The following FA2H variants were observed in gnomAD, a reference collection of about 807,000 sequenced individuals.
The protein encoded by FA2H is fatty acid 2-hydroxylase, also known as fatty acid alpha-hydroxylase.
A neutral mutation model predicts 44.9 loss-of-function variants in FA2H; 22 were observed. The observed-to-expected ratio is 0.49, with a 90% CI of 0.35 to 0.70. FA2H has a LOEUF of 0.70. Among genes scored for constraint, FA2H ranks in the 30% least tolerant of loss-of-function variants. The pLI, the probability that FA2H is intolerant of heterozygous loss-of-function variation, is 0.01. For missense variants in FA2H, 501 were observed against 504.9 expected, an observed-to-expected ratio of 0.99 and a Z score of 0.07; for synonymous variants, 243 against 213.2, an observed-to-expected ratio of 1.14 and a Z score of -1.22.
intron 4 of FA2H, among the ~76,000 whole-genome samples, chr16:74,719,681 G>A (rs1465915748): frequency 1.3e-5 from 2 of 152,014 alleles, no homozygotes; most frequent in African/African-American, 4.8e-5. Flanking sequence ...GGGACCACAG[G>A]TGCATGCCAC....
chr16:74,726,385 T>G, intron 3 of FA2H, 54 bp from the exon 4 acceptor site: 2 of 1,124,202 alleles, frequency 1.8e-6, no homozygotes, highest in Non-Finnish European at 2.6e-6. Flanking sequence ...CTTGACAGAG[T>G]ACAGCTTTCT....
chr16:74,716,516 G>A lies in FA2H; in HGVS notation c.870C>T (p.Leu290=), dbSNP rs759692923. The A allele has an allele frequency of 5.6e-6, 9 of 1,613,300 alleles. No individual in the cohort carries two copies. Among genetic ancestry groups the A allele is most frequent in the South Asian group, 2.2e-5 (2 of 91,010 alleles). ...VIGVFYLCMQ[L]ILPEAVGGTV... ...TGCCCCCTACTGCCTCGGGCAGGAT[G>A]AGCTGCATGCACAAGTAGAAGACGC... The change falls in exon 6 of 7, where the codon CTC becomes CTT. Residue 290 remains leucine, a synonymous_variant. Transcript: ENST00000219368.
At chr16:74,745,994 A>G (rs531311213) in intron 1 of FA2H, among the ~76,000 whole-genome samples, 1 of 152,158 alleles carries the variant, frequency 6.6e-6, no homozygotes, top group East Asian at 1.9e-4. Flanking sequence ...TTTAGCAGAG[A>G]CGGGGTTTCA....
chr16:74,752,062 C>T (rs745610899), intron 1 of FA2H, among the ~76,000 whole-genome samples: 3 of 152,186 alleles, frequency 2.0e-5, no homozygotes, highest in Non-Finnish European at 4.4e-5. Flanking sequence ...TCCTTTCCCT[C>T]GCTGCTGACA....
In FA2H at chr16:74,713,666, A is replaced by G. The variant is rs1439048725; in HGVS notation, c.*524T>C. 1 of 156,420 alleles carries G rather than the reference A, an allele frequency of 6.4e-6. No individual in the cohort carries two copies. Among genetic ancestry groups the G allele is most frequent in the African/African-American group, 2.4e-5 (1 of 41,550 alleles). 9.7% of individuals were successfully genotyped at this position (156,420 alleles called of 1,614,324 possible). On this transcript the variant is annotated 3_prime_UTR_variant, in exon 7 of 7. Coordinates refer to ENST00000219368, the MANE Select transcript of FA2H (RefSeq NM_024306.5). ...GGGTCTGGGGTGGACTGTGGGAGGCATCACGCTGTCTCTTCTTGCGAGAGC... is the reference window on the plus strand; with the variant it reads ...GGGTCTGGGGTGGACTGTGGGAGGCGTCACGCTGTCTCTTCTTGCGAGAGC...
chr16:74,729,941 G>A (rs1962040930), intron 2 of FA2H, among the ~76,000 whole-genome samples: 1 of 152,108 alleles, frequency 6.6e-6, no homozygotes, highest in African/African-American at 2.4e-5. Context: ...GAGAGGAGGG[G>A]AGAGGAGCAA....
chr16:74,749,264 G>T (rs1962486174), intron 1 of FA2H, among the ~76,000 whole-genome samples: 1 of 152,196 alleles, frequency 6.6e-6, no homozygotes, highest in South Asian at 2.1e-4. Flanking sequence ...TCCAATCCAG[G>T]AGTCAGGACC....
At chr16:74,757,942 C>T (rs761546076) in intron 1 of FA2H, among the ~76,000 whole-genome samples, 1 of 151,866 alleles carries the variant, frequency 6.6e-6, no homozygotes, top group African/African-American at 2.4e-5. Context: ...TCACCTGAGC[C>T]GGGGAGGTCA....
At chr16:74,770,907 G>T (rs983516583) in intron 1 of FA2H, among the ~76,000 whole-genome samples, 2 of 152,230 alleles carry the variant, frequency 1.3e-5, no homozygotes, top group African/African-American at 4.8e-5. Context: ...GAGCATACAG[G>T]TCAGAAGCAC....
Position 74,714,020 on chromosome 16 carries a change from G to C in FA2H, c.*170C>G. On this transcript the variant is annotated 3_prime_UTR_variant, in exon 7 of 7. Coordinates refer to ENST00000219368, the MANE Select transcript of FA2H (RefSeq NM_024306.5). ...ATGTGACCCTCCTACCAGGGGTCAG[G>C]AGGGCGGTCCTGCCTCAGGGCCCCC... 1.7e-6 allele frequency: 1 copy of C among 600,576 alleles called. No individual in the cohort carries two copies. Among genetic ancestry groups the C allele is most frequent in the Non-Finnish European group, 3.0e-6 (1 of 334,722 alleles). The allele number at this position is 600,576 out of a possible 1,614,324, so 37.2% of individuals were successfully genotyped here.
At chr16:74,742,684 A>G (rs907509434) in intron 1 of FA2H, among the ~76,000 whole-genome samples, 6 of 152,088 alleles carry the variant, frequency 3.9e-5, no homozygotes, top group Non-Finnish European at 8.8e-5. Flanking sequence ...AGAAAAAATA[A>G]AAAAGCCAGG....
chr16:74,742,915 G>T (rs1407141079), intron 1 of FA2H, among the ~76,000 whole-genome samples: 1 of 152,160 alleles, frequency 6.6e-6, no homozygotes, highest in Non-Finnish European at 1.5e-5. Context: ...AAATATATAG[G>T]AAGTATGTGT....
At chr16:74,759,522 C>T (rs1962669416) in intron 1 of FA2H, among the ~76,000 whole-genome samples, 1 of 152,226 alleles carries the variant, frequency 6.6e-6, no homozygotes. Context: ...CTTCTTAAAC[C>T]TGTTTGTTGA....
intron 1 of FA2H, among the ~76,000 whole-genome samples, chr16:74,745,826 G>C (rs1398335106): frequency 9.0e-6 from 1 of 111,586 alleles, no homozygotes; most frequent in Non-Finnish European, 1.7e-5. Flanking sequence ...TTTTTTTTGA[G>C]ACAGAGTCTT....
intron 1 of FA2H, among the ~76,000 whole-genome samples, chr16:74,752,912 C>T (rs961469238): frequency 1.3e-5 from 2 of 152,174 alleles, no homozygotes; most frequent in Admixed American, 1.3e-4. Flanking sequence ...AGGGATGACT[C>T]AGAGAGACCA....
At chr16:74,773,226 G>T (rs1199824233) in intron 1 of FA2H, among the ~76,000 whole-genome samples, 1 of 152,088 alleles carries the variant, frequency 6.6e-6, no homozygotes, top group Non-Finnish European at 1.5e-5. Flanking sequence ...AGTACTATAA[G>T]ATGTTTTGAG....
chr16:74,767,589 G>A (rs544199673), intron 1 of FA2H, among the ~76,000 whole-genome samples: 1 of 152,306 alleles, frequency 6.6e-6, no homozygotes, highest in East Asian at 1.9e-4. Flanking sequence ...GTCGTAGGAG[G>A]AGACGCAGCA....
At chr16:74,725,128 C>T (rs929434781) in intron 4 of FA2H, among the ~76,000 whole-genome samples, 2 of 152,212 alleles carry the variant, frequency 1.3e-5, no homozygotes, top group African/African-American at 2.4e-5. Context: ...CCTGCAGTAA[C>T]CCTCGGTGAC....
At chr16:74,718,905 C>G in intron 5 of FA2H, 83 bp downstream of exon 5, 1 of 1,514,550 alleles carries the variant, frequency 6.6e-7, no homozygotes, top group Non-Finnish European at 9.0e-7. Flanking sequence ...CAGGAGGCTC[C>G]GCAGCACCTG....
Sources: gnomAD v4.1 joint callset for allele counts (sites outside exome capture counted in the v4.1 genomes callset) on GRCh38, gnomAD v4.1.1 for gene constraint, MANE v1.5 for transcripts, NCBI Gene and HGNC (gene_info 2026-07-23, HGNC 2026-07-21) for gene names.